The following SRGAP1 variants were observed in gnomAD, a reference collection of about 807,000 sequenced individuals.
SRGAP1 encodes the protein SLIT-ROBO Rho GTPase activating protein 1, also known as SLIT-ROBO Rho GTPase-activating protein 1.
In SRGAP1, 43 loss-of-function variants were observed where a neutral mutation model predicts 121.9. That is an observed-to-expected ratio of 0.35 (90% CI 0.28 to 0.46). The LOEUF (loss-of-function observed/expected upper bound fraction) is 0.46, where lower values mean the gene tolerates loss of function less well. Among genes scored for constraint, SRGAP1 ranks in the 20% least tolerant of loss-of-function variants. The pLI is 1.00. For synonymous variants in SRGAP1, 447 were observed against 485.4 expected (o/e 0.92, Z 1.04); for missense variants, 1,102 against 1,350.9 (o/e 0.82, Z 2.89).
intron 8 of SRGAP1, among the ~76,000 whole-genome samples, chr12:64,066,291 GGACT>G (rs2035539522): frequency 2.0e-5 from 3 of 152,146 alleles, no homozygotes; most frequent in Admixed American, 2.0e-4. Context: ...CTCTGAAGTA[GGACT>G]GACTCTTCAC....
At chr12:64,141,315 C>A (rs1171173989) in intron 21 of SRGAP1, among the ~76,000 whole-genome samples, 2 of 150,166 alleles carry the variant, frequency 1.3e-5, no homozygotes, top group African/African-American at 4.9e-5. Flanking sequence ...GGCACGGTGG[C>A]TCATGCCTGT....
At chr12:63,871,762 T>A (rs903370042) in intron 1 of SRGAP1, 2 of 1,192,980 alleles carry the variant, frequency 1.7e-6, no homozygotes, top group East Asian at 4.7e-5. Context: ...ACTTGGTCCT[T>A]TCTTTTCTTA....
Position 64,149,515 on chromosome 12 carries a change from C to T in SRGAP1, c.*6843C>T, listed in dbSNP as rs938741931. ...AAAGACTCCACCATCCTGCTACCCT[C>T]AAATCTTAAGCTCCTCAGCCTGCCA... On this transcript the variant is annotated 3_prime_UTR_variant, in exon 22 of 22. Transcript: ENST00000355086. 2.0e-5 allele frequency: 3 copies of T among 152,224 alleles called. No homozygotes were observed. The highest frequency in any genetic ancestry group is 7.2e-5 in the African/African-American group (3 of 41,446). The allele number at this position is 152,224 out of a possible 1,614,324, so 9.4% of individuals were successfully genotyped here. A position where few individuals can be genotyped will look rare whatever the true frequency, so the allele number is the denominator to read the frequency against.
intron 18 of SRGAP1, among the ~76,000 whole-genome samples, chr12:64,121,808 G>C (rs1296313989): frequency 2.0e-5 from 3 of 149,540 alleles, no homozygotes; most frequent in Non-Finnish European, 3.0e-5. Context: ...CTGTGTTTTA[G>C]ATAACATTTT....
At chr12:63,952,638 C>A (rs1366381918) in intron 1 of SRGAP1, among the ~76,000 whole-genome samples, 1 of 151,994 alleles carries the variant, frequency 6.6e-6, no homozygotes, top group Non-Finnish European at 1.5e-5. Context: ...GAAGTTAGTC[C>A]CAGAATGATC....
At chr12:64,063,232 T>A in intron 7 of SRGAP1, 94 bp downstream of exon 7, 2 of 1,175,790 alleles carry the variant, frequency 1.7e-6, no homozygotes, top group Non-Finnish European at 2.4e-6. Context: ...AATTCCCAGT[T>A]GTTTTCTCTC....
intron 15 of SRGAP1, among the ~76,000 whole-genome samples, chr12:64,100,764 G>A (rs1324906043): frequency 6.6e-6 from 1 of 151,964 alleles, no homozygotes; most frequent in Non-Finnish European, 1.5e-5. Flanking sequence ...GAGGATTCTT[G>A]GATGTTATTA....
chr12:63,913,191 CTTCTT>C (rs781699019), intron 1 of SRGAP1, among the ~76,000 whole-genome samples: 4 of 111,816 alleles, frequency 3.6e-5, no homozygotes, highest in Non-Finnish European at 3.6e-5. Flanking sequence ...CTGGTAAATC[CTTCTT>C]TTTTTTTTTT....
At chr12:64,041,254 G>A (rs1222633594) in intron 4 of SRGAP1, among the ~76,000 whole-genome samples, 1 of 151,916 alleles carries the variant, frequency 6.6e-6, no homozygotes, top group Non-Finnish European at 1.5e-5. Flanking sequence ...TAATGATATA[G>A]GAAAATATGC....
intron 15 of SRGAP1, among the ~76,000 whole-genome samples, chr12:64,100,761 C>A (rs1048373746): frequency 2.0e-5 from 3 of 152,162 alleles, no homozygotes; most frequent in Non-Finnish European, 4.4e-5. Context: ...AGAGAGGATT[C>A]TTGGATGTTA....
Position 64,111,867 on chromosome 12 carries a change from C to T in SRGAP1, c.2025C>T (p.Cys675=). 6.2e-7 allele frequency: 1 copy of T among 1,613,964 alleles called. No individual in the cohort carries two copies. Among genetic ancestry groups the T allele is most frequent in the Non-Finnish European group, 8.5e-7 (1 of 1,179,966 alleles). ...PVPEIQDQVS[C]QAHVNEIIKT... ...CAGAAATACAGGATCAAGTGTCTTG[C>T]CAGGCACATGTGAATGAAATTATCA... Residue 675 remains cysteine, a synonymous_variant, in exon 17 of 22, where the codon TGC becomes TGT. Coordinates refer to ENST00000355086, the MANE Select transcript of SRGAP1 (RefSeq NM_020762.4).
chr12:63,923,969 T>C (rs2031163241), intron 1 of SRGAP1, among the ~76,000 whole-genome samples: 1 of 152,098 alleles, frequency 6.6e-6, no homozygotes, highest in Non-Finnish European at 1.5e-5. Flanking sequence ...TGGCAAACCC[T>C]GTCTCTACTA....
At chr12:63,980,361 C>G (rs1380316912) in intron 1 of SRGAP1, among the ~76,000 whole-genome samples, 1 of 152,182 alleles carries the variant, frequency 6.6e-6, no homozygotes, top group Non-Finnish European at 1.5e-5. Context: ...GCCCTTTGAT[C>G]TGTTCCGAGC....
intron 4 of SRGAP1, among the ~76,000 whole-genome samples, chr12:64,023,477 G>T (rs1193791741): frequency 6.6e-6 from 1 of 152,050 alleles, no homozygotes; most frequent in African/African-American, 2.4e-5. Flanking sequence ...ACCATGATTT[G>T]CCCTTTATTA....
chr12:63,899,760 A>G (rs1223144238), intron 1 of SRGAP1, among the ~76,000 whole-genome samples: 3 of 152,222 alleles, frequency 2.0e-5, no homozygotes, highest in African/African-American at 7.2e-5. Context: ...AAAATATGTA[A>G]GGAGGCAGCA....
intron 1 of SRGAP1, among the ~76,000 whole-genome samples, chr12:63,897,584 T>A (rs112131134): frequency 2.1e-4 from 32 of 152,218 alleles, no homozygotes; most frequent in African/African-American, 6.3e-4. Context: ...TCCGACATGC[T>A]CTCAAGAATT....
chr12:63,861,859 C>T (rs920969174), intron 1 of SRGAP1, among the ~76,000 whole-genome samples: 7 of 152,060 alleles, frequency 4.6e-5, no homozygotes, highest in Admixed American at 1.3e-4. Context: ...CAGTGGCTCA[C>T]GCCTGTAATC....
At chr12:64,096,594 A>G (rs541526611) in intron 14 of SRGAP1, among the ~76,000 whole-genome samples, 4 of 152,284 alleles carry the variant, frequency 2.6e-5, no homozygotes, top group African/African-American at 9.6e-5. Flanking sequence ...AAAAAAAATA[A>G]TTTTATATTT....
At chr12:64,044,027 T>G (rs929375941) in intron 6 of SRGAP1, among the ~76,000 whole-genome samples, 9 of 152,330 alleles carry the variant, frequency 5.9e-5, no homozygotes, top group East Asian at 3.9e-4. Flanking sequence ...GGATGATTAC[T>G]TTATTACAGT....
Sources: gnomAD v4.1 joint callset for allele counts (sites outside exome capture counted in the v4.1 genomes callset) on GRCh38, gnomAD v4.1.1 for gene constraint, MANE v1.5 for transcripts, NCBI Gene and HGNC (gene_info 2026-07-23, HGNC 2026-07-21) for gene names.